The following ADGRL3 variants were observed in gnomAD, a reference collection of about 807,000 sequenced individuals.
ADGRL3 encodes the protein adhesion G protein-coupled receptor L3, also known as calcium-independent alpha-latrotoxin receptor 3.
Under a neutral mutation model 153.5 loss-of-function variants are expected in ADGRL3, and 62 were observed. The ratio of observed to expected loss-of-function variants is 0.40; its 90% CI spans 0.33 to 0.50. ADGRL3 has a LOEUF of 0.50. Ranked by LOEUF, ADGRL3 falls within the 20% of genes least tolerant of loss-of-function variation. ADGRL3 has a pLI of 0.47. For missense variants in ADGRL3, 1,641 were observed against 1,859.4 expected (o/e 0.88, Z 2.16); for synonymous variants, 710 against 672.5 (o/e 1.06, Z -0.86).
chr4:61,496,326 C>A (rs955051700), intron 2 of ADGRL3, among the ~76,000 whole-genome samples: 8 of 152,090 alleles, frequency 5.3e-5, no homozygotes, highest in Admixed American at 2.0e-4. Context: ...TGTGGTATAA[C>A]CCCATGGGGC....
chr4:61,735,841 A>C (rs1051057247), intron 8 of ADGRL3, among the ~76,000 whole-genome samples: 2 of 152,182 alleles, frequency 1.3e-5, no homozygotes, highest in African/African-American at 2.4e-5. Context: ...AAACTAAAGC[A>C]AGTTCTTAAC....
chr4:61,343,860 A>C (rs1177455488), intron 1 of ADGRL3, among the ~76,000 whole-genome samples: 2 of 152,158 alleles, frequency 1.3e-5, no homozygotes, highest in Non-Finnish European at 2.9e-5. Flanking sequence ...AATTAAACAC[A>C]CTTTGGGAAA....
At chr4:61,979,461 T>G (rs946305108) in intron 17 of ADGRL3, 102 bp from the exon 18 acceptor site, 47 of 903,690 alleles carry the variant, frequency 5.2e-5, no homozygotes, top group Non-Finnish European at 8.4e-5. Context: ...AGAGGGTATT[T>G]TGTGCATTAT....
intron 4 of ADGRL3, among the ~76,000 whole-genome samples, chr4:61,521,284 A>G (rs1215433046): frequency 6.6e-6 from 1 of 152,158 alleles, no homozygotes; most frequent in Non-Finnish European, 1.5e-5. Context: ...TTCTGAGTAG[A>G]CGAAACAGCA....
chr4:61,948,898 G>A (rs1250391736), intron 17 of ADGRL3, among the ~76,000 whole-genome samples: 1 of 152,016 alleles, frequency 6.6e-6, no homozygotes, highest in Non-Finnish European at 1.5e-5. Context: ...TGGAGTCTAT[G>A]AGTTTGCAAG....
At chr4:62,067,347 T>C (rs992041188) in intron 25 of ADGRL3, among the ~76,000 whole-genome samples, 1 of 152,076 alleles carries the variant, frequency 6.6e-6, no homozygotes, top group Non-Finnish European at 1.5e-5. Flanking sequence ...GAGGTTTTTT[T>C]CCTTAAAAAA....
chr4:61,622,399 A>G lies in ADGRL3; in HGVS notation c.473+34959A>G, dbSNP rs190167702. ...CACATATCCAACAATGAGAGGATGA[A>G]CTTTTTGGAAAAAATGTCTTAATTT... On this transcript the variant is annotated intron_variant, in intron 5 of 26. Transcript: ENST00000683033. Among the ~76,000 whole-genome samples the G allele has an allele frequency of 6.6e-5, 10 of 152,280 alleles. No homozygotes were observed. In the East Asian group the frequency reaches 1.9e-3, roughly 29 times the overall value.
At chr4:61,221,571 A>G (rs1360584245) in intron 1 of ADGRL3, among the ~76,000 whole-genome samples, 2 of 152,188 alleles carry the variant, frequency 1.3e-5, no homozygotes, top group Non-Finnish European at 1.5e-5. Context: ...GTAACCAAGT[A>G]TCATATTTTA....
chr4:61,527,533 A>C (rs2098575007), intron 4 of ADGRL3, among the ~76,000 whole-genome samples: 1 of 151,822 alleles, frequency 6.6e-6, no homozygotes, highest in African/African-American at 2.4e-5. Context: ...GCATATATGC[A>C]ATTTAAACAA....
intron 9 of ADGRL3, among the ~76,000 whole-genome samples, chr4:61,816,720 C>T (rs566154099): frequency 4.6e-5 from 7 of 152,242 alleles, no homozygotes; most frequent in East Asian, 3.9e-4. Context: ...CTGGAACAGC[C>T]GCTGTGGGGA....
chr4:61,435,863 A>C (rs1414815277), intron 2 of ADGRL3, among the ~76,000 whole-genome samples: 1 of 150,708 alleles, frequency 6.6e-6, no homozygotes, highest in Non-Finnish European at 1.5e-5. Flanking sequence ...ATCAATGGGA[A>C]GTTAATCTGC....
intron 5 of ADGRL3, among the ~76,000 whole-genome samples, chr4:61,638,187 A>G (rs1382789164): frequency 2.0e-5 from 3 of 152,202 alleles, no homozygotes; most frequent in African/African-American, 7.2e-5. Flanking sequence ...ATATTCCTAC[A>G]ATAGAAGATT....
At position 61,732,744 on chromosome 4, in the gene ADGRL3, C is replaced by T. The variant is rs2096462287; in HGVS notation, c.599-10C>T. The T allele has an allele frequency of 2.8e-6, 4 of 1,449,996 alleles. No homozygotes were observed. In the South Asian group the frequency reaches 4.4e-5, roughly 16 times the overall value. The allele number at this position is 1,449,996 out of a possible 1,614,324, so 89.8% of individuals were successfully genotyped here. On this transcript the variant is annotated splice_polypyrimidine_tract_variant and intron_variant, in intron 7 of 26. Transcript: ENST00000683033. ...ATATTTATTTATTTTAACTGTTTCC[C>T]TTCCAACAGTTTTTCTTTGTCCTGG... is the stretch of plus-strand genomic sequence containing the variant.
rs1214482002 is a variant in ADGRL3, at chr4:61,895,810, T to G, written c.1863T>G (p.Pro621=). ...CAGATCTCAGCAACTGTTCTTCTCCTTGGGTCAATCATATAACACAGAAGG... is the reference window on the plus strand; with the variant it reads ...CAGATCTCAGCAACTGTTCTTCTCCGTGGGTCAATCATATAACACAGAAGG... ...QGPDLSNCSS[P]WVNHITQKLK... The change falls in exon 11 of 27, where the codon CCT becomes CCG. Residue 621 remains proline (P), a synonymous_variant. Coordinates refer to ENST00000683033, the MANE Select transcript of ADGRL3 (RefSeq NM_001387552.1). 5 of 1,594,082 alleles carry G rather than the reference T, an allele frequency of 3.1e-6. No individual in the cohort carries two copies. The highest frequency in any genetic ancestry group is 3.4e-6 in the Non-Finnish European group (4 of 1,169,024).
intron 5 of ADGRL3, among the ~76,000 whole-genome samples, chr4:61,655,067 C>T (rs1053894672): frequency 1.3e-5 from 2 of 152,018 alleles, no homozygotes; most frequent in Admixed American, 6.6e-5. Context: ...GTGACTCTTA[C>T]TATCAGCTGT....
At chr4:61,661,841 T>C (rs2094604006) in intron 5 of ADGRL3, among the ~76,000 whole-genome samples, 1 of 152,226 alleles carries the variant, frequency 6.6e-6, no homozygotes, top group Non-Finnish European at 1.5e-5. Flanking sequence ...AAAAAGTTCC[T>C]TGACTAAAAC....
chr4:61,225,932 C>T (rs1747749587), intron 1 of ADGRL3, among the ~76,000 whole-genome samples: 1 of 152,130 alleles, frequency 6.6e-6, no homozygotes, highest in South Asian at 2.1e-4. Context: ...AATATCTTTT[C>T]CATCACTGCT....
intron 1 of ADGRL3, among the ~76,000 whole-genome samples, chr4:61,255,909 A>T (rs2091912355): frequency 6.6e-6 from 1 of 152,178 alleles, no homozygotes. Context: ...TGATATTTTG[A>T]AGAATTTACT....
intron 2 of ADGRL3, among the ~76,000 whole-genome samples, chr4:61,401,077 A>T (rs4860093): frequency 0.55 from 81,327 of 149,038 alleles, 23,814 homozygotes; most frequent in Admixed American, 0.7. Flanking sequence ...TTTTTTTTTT[A>T]AAAAAAAGAT....
Sources: allele counts gnomAD v4.1 joint callset (sites outside exome capture counted in the v4.1 genomes callset), GRCh38; gene constraint gnomAD v4.1.1; transcripts MANE v1.5; gene names NCBI Gene and HGNC (gene_info 2026-07-23, HGNC 2026-07-21).